PIGL: variants seen among roughly 807,000 people sequenced by gnomAD.
PIGL encodes the protein phosphatidylinositol glycan anchor biosynthesis class L.
In PIGL, 22 loss-of-function variants were observed where a neutral mutation model predicts 31.1. The ratio of observed to expected loss-of-function variants is 0.71; its 90% CI spans 0.51 to 1.01. The LOEUF (loss-of-function observed/expected upper bound fraction) is 1.01. Ranked by LOEUF, PIGL falls within the 50% of genes least tolerant of loss-of-function variation. PIGL has a pLI of 0.00. For missense variants in PIGL, 302 were observed against 315.9 expected (o/e 0.96, Z 0.33); for synonymous variants, 131 against 117.4 (o/e 1.12, Z -0.75).
chr17:16,235,561 C>G (rs1471734085), intron 2 of PIGL, among the ~76,000 whole-genome samples: 1 of 151,250 alleles, frequency 6.6e-6, no homozygotes, highest in South Asian at 2.1e-4. Flanking sequence ...GTTCTCCCCC[C>G]TCAGTCTCCC....
chr17:16,217,634 G>T, intron 1 of PIGL, 173 bp downstream of exon 1: 4 of 529,962 alleles, frequency 7.5e-6, no homozygotes, highest in Non-Finnish European at 1.3e-5. Flanking sequence ...GGCTTACCTG[G>T]TGGGTTGGGG....
chr17:16,303,160 T>C (rs2093011975), intron 3 of PIGL, among the ~76,000 whole-genome samples: 1 of 152,174 alleles, frequency 6.6e-6, no homozygotes, highest in African/African-American at 2.4e-5. Context: ...CCTCCAGACC[T>C]TCTTCTCAAA....
chr17:16,310,286 AGTGTGTGT>A (rs10522327), intron 3 of PIGL, among the ~76,000 whole-genome samples: 294 of 146,354 alleles, frequency 2.0e-3, no homozygotes, highest in Middle Eastern at 6.9e-3. Context: ...ATTATTAAAA[AGTGTGTGT>A]GTGTGTGTGT....
intron 2 of PIGL, among the ~76,000 whole-genome samples, chr17:16,288,605 T>G (rs1244335133): frequency 3.3e-5 from 5 of 151,834 alleles, no homozygotes; most frequent in African/African-American, 1.2e-4. Flanking sequence ...AATGGCGCGA[T>G]CTTGGCTCAC....
At chr17:16,248,704 TC>T (rs2092758778) in intron 2 of PIGL, among the ~76,000 whole-genome samples, 1 of 152,122 alleles carries the variant, frequency 6.6e-6, no homozygotes, top group Non-Finnish European at 1.5e-5. Flanking sequence ...ACCTCAAAAC[TC>T]CTCCAACCTC....
chr17:16,302,561 C>T (rs2093009235), intron 3 of PIGL, among the ~76,000 whole-genome samples: 2 of 152,204 alleles, frequency 1.3e-5, no homozygotes, highest in South Asian at 2.1e-4. Context: ...TACTGGTCTT[C>T]CAAATTGCTC....
intron 2 of PIGL, among the ~76,000 whole-genome samples, chr17:16,283,396 A>T (rs2092924624): frequency 6.6e-6 from 1 of 152,062 alleles, no homozygotes; most frequent in African/African-American, 2.4e-5. Flanking sequence ...TGATCCTAGG[A>T]GGTTGAGGCT....
intron 2 of PIGL, among the ~76,000 whole-genome samples, chr17:16,283,004 G>T (rs957129763): frequency 1.6e-5 from 2 of 123,232 alleles, no homozygotes; most frequent in African/African-American, 2.7e-5. Context: ...TACCAAAAAA[G>T]AATTTTTTTT....
intron 2 of PIGL, among the ~76,000 whole-genome samples, chr17:16,266,075 A>G (rs962152052): frequency 2.0e-5 from 3 of 151,986 alleles, no homozygotes; most frequent in Admixed American, 1.3e-4. Flanking sequence ...TTCTAGAAAA[A>G]TCTCAGTGCT....
At chr17:16,235,824 A>G (rs1487297520) in intron 2 of PIGL, among the ~76,000 whole-genome samples, 1 of 143,592 alleles carries the variant, frequency 7.0e-6, no homozygotes, top group Non-Finnish European at 1.5e-5. Context: ...AGAATATTTC[A>G]TAGGCTGTAC....
At chr17:16,255,274 T>C (rs964359039) in intron 2 of PIGL, among the ~76,000 whole-genome samples, 3 of 152,214 alleles carry the variant, frequency 2.0e-5, no homozygotes, top group African/African-American at 7.2e-5. Context: ...AAGTTCTAAA[T>C]GAATACTTAG....
intron 2 of PIGL, among the ~76,000 whole-genome samples, chr17:16,249,589 A>G (rs1368939917): frequency 6.6e-6 from 1 of 152,252 alleles, no homozygotes; most frequent in East Asian, 1.9e-4. Flanking sequence ...ACAACAGGCC[A>G]TCTGCAAGCT....
At chr17:16,312,109 AG>A in intron 3 of PIGL, among the ~76,000 whole-genome samples, 1 of 138,520 alleles carries the variant, frequency 7.2e-6, no homozygotes, top group South Asian at 2.3e-4. Flanking sequence ...TCCCTCCCGG[AG>A]GGGGCGGCTG....
At chr17:16,219,397 C>A (rs2092615622) in intron 1 of PIGL, among the ~76,000 whole-genome samples, 1 of 151,916 alleles carries the variant, frequency 6.6e-6, no homozygotes, top group African/African-American at 2.4e-5. Flanking sequence ...AGTATCTTCT[C>A]CCCCAAAAAC....
intron 3 of PIGL, among the ~76,000 whole-genome samples, chr17:16,306,678 C>T (rs993285090): frequency 5.3e-5 from 8 of 151,978 alleles, no homozygotes; most frequent in Non-Finnish European, 1.0e-4. Flanking sequence ...TACAGGCATG[C>T]GCCACCAGGC....
chr17:16,263,833 CTT>C (rs913026747), intron 2 of PIGL, among the ~76,000 whole-genome samples: 1,017 of 76,890 alleles, frequency 0.013, 16 homozygotes, highest in African/African-American at 0.056. Flanking sequence ...TAAATGTTGA[CTT>C]TTTTTTTTTT....
intron 2 of PIGL, among the ~76,000 whole-genome samples, chr17:16,246,980 C>T (rs756262297): frequency 5.3e-5 from 8 of 152,094 alleles, no homozygotes; most frequent in South Asian, 2.1e-4. Flanking sequence ...TGAGCCACCG[C>T]GCCCGGCCCA....
At chr17:16,217,620 G>T in intron 1 of PIGL, 159 bp downstream of exon 1, 2 of 603,282 alleles carry the variant, frequency 3.3e-6, no homozygotes, top group Admixed American at 3.1e-5. Context: ...GGACAGGAGC[G>T]GCCGGCTTAC....
chr17:16,239,064 T>TG (rs2092711957), intron 2 of PIGL, among the ~76,000 whole-genome samples: 1 of 151,576 alleles, frequency 6.6e-6, no homozygotes, highest in African/African-American at 2.4e-5. Flanking sequence ...CTAGGTGTGG[T>TG]GGCACGCACC....
Sources: gnomAD v4.1 joint callset for allele counts (sites outside exome capture counted in the v4.1 genomes callset) on GRCh38, gnomAD v4.1.1 for gene constraint, MANE v1.5 for transcripts, NCBI Gene and HGNC (gene_info 2026-07-23, HGNC 2026-07-21) for gene names.